PTPRT: variants seen among roughly 807,000 people sequenced by gnomAD.
The protein encoded by PTPRT is protein tyrosine phosphatase receptor type T.
A neutral mutation model predicts 176.8 loss-of-function variants in PTPRT; 56 were observed. The ratio of observed to expected loss-of-function variants is 0.32; its 90% CI spans 0.26 to 0.40. The LOEUF (loss-of-function observed/expected upper bound fraction) is 0.40, where lower values mean the gene tolerates loss of function less well. Ranked by LOEUF, PTPRT falls within the 10% of genes least tolerant of loss-of-function variation. The pLI, the probability that PTPRT is intolerant of heterozygous loss-of-function variation, is 1.00. For missense variants in PTPRT, 1,540 were observed against 1,908.2 expected, an observed-to-expected ratio of 0.81 and a Z score of 3.60; for synonymous variants, 783 against 739.0, an observed-to-expected ratio of 1.06 and a Z score of -0.96.
At chr20:43,117,039 C>T (rs2013086782) in intron 1 of PTPRT, among the ~76,000 whole-genome samples, 1 of 152,150 alleles carries the variant, frequency 6.6e-6, no homozygotes, top group South Asian at 2.1e-4. Context: ...TGACTCTCAT[C>T]CTCCTTGGAC....
chr20:42,305,464 C>A (rs1294386193), intron 12 of PTPRT, among the ~76,000 whole-genome samples: 1 of 151,974 alleles, frequency 6.6e-6, no homozygotes, highest in Non-Finnish European at 1.5e-5. Flanking sequence ...TGTGTATATG[C>A]ACATATGCTG....
rs570217889 is a variant in PTPRT at position 42,185,615 on chromosome 20, C to T, written c.2491+13625G>A. Among the ~76,000 whole-genome samples, 6 of 152,290 alleles carry T rather than the reference C, an allele frequency of 3.9e-5. No individual in the cohort carries two copies. The South Asian group carries it at 1.0e-3, about 26-fold the overall frequency. ...ATCATCCCTTGATTTCTTTATCCAC[C>T]TTTATTCAATTCTGAACGCTGAAAA... is the stretch of plus-strand genomic sequence containing the variant. On this transcript the variant is annotated intron_variant, in intron 16 of 30. Transcript: ENST00000373187.
chr20:42,760,514 A>ACTCC (rs2076900214), intron 5 of PTPRT, among the ~76,000 whole-genome samples: 1 of 151,946 alleles, frequency 6.6e-6, no homozygotes, highest in Non-Finnish European at 1.5e-5. Context: ...ATCTCACATA[A>ACTCC]ATAAATCACT....
intron 2 of PTPRT, among the ~76,000 whole-genome samples, chr20:42,807,916 C>T (rs748595113): frequency 5.9e-5 from 9 of 152,140 alleles, no homozygotes; most frequent in Admixed American, 5.2e-4. Context: ...TCTGGTGATG[C>T]CCTGCCCAGG....
intron 8 of PTPRT, among the ~76,000 whole-genome samples, chr20:42,471,150 C>A (rs2071189078): frequency 6.6e-6 from 1 of 152,140 alleles, no homozygotes; most frequent in Non-Finnish European, 1.5e-5. Context: ...CTTTTTATAT[C>A]TATTTTCTGT....
At chr20:42,124,658 G>A (rs1987763501) in intron 19 of PTPRT, among the ~76,000 whole-genome samples, 1 of 152,224 alleles carries the variant, frequency 6.6e-6, no homozygotes, top group South Asian at 2.1e-4. Flanking sequence ...CTGCGTTGGA[G>A]ACCAGGGTGA....
intron 7 of PTPRT, among the ~76,000 whole-genome samples, chr20:42,623,559 G>T (rs2074237078): frequency 6.6e-6 from 1 of 152,196 alleles, no homozygotes; most frequent in African/African-American, 2.4e-5. Flanking sequence ...AATGGTGATA[G>T]AATTCAGTGC....
At chr20:42,686,941 C>T (rs557723173) in intron 6 of PTPRT, among the ~76,000 whole-genome samples, 15 of 152,244 alleles carry the variant, frequency 9.9e-5, no homozygotes, top group East Asian at 1.9e-4. Flanking sequence ...ATTATGAAAA[C>T]GAGGGAAAGT....
chr20:42,356,287 AC>A (rs1252198244), intron 9 of PTPRT, among the ~76,000 whole-genome samples: 2 of 152,156 alleles, frequency 1.3e-5, no homozygotes, highest in African/African-American at 4.8e-5. Flanking sequence ...CTGCACATCA[AC>A]CCTGGGCTCC....
intron 2 of PTPRT, among the ~76,000 whole-genome samples, chr20:42,867,561 C>G (rs1403622819): frequency 1.3e-5 from 2 of 152,068 alleles, no homozygotes; most frequent in South Asian, 4.2e-4. Context: ...TCAGTCTTCA[C>G]CAATGACAGA....
intron 9 of PTPRT, among the ~76,000 whole-genome samples, chr20:42,354,258 C>T (rs967295821): frequency 6.6e-6 from 1 of 152,144 alleles, no homozygotes; most frequent in Non-Finnish European, 1.5e-5. Flanking sequence ...ACAGCATAGA[C>T]GAGTTTTGCC....
At chr20:42,909,058 G>A (rs1230528694) in intron 1 of PTPRT, among the ~76,000 whole-genome samples, 1 of 152,160 alleles carries the variant, frequency 6.6e-6, no homozygotes, top group African/African-American at 2.4e-5. Context: ...GGGAAGCTGA[G>A]GTGGAAGGAT....
intron 1 of PTPRT, among the ~76,000 whole-genome samples, chr20:43,040,202 A>G (rs1986549351): frequency 6.6e-6 from 1 of 152,208 alleles, no homozygotes; most frequent in Admixed American, 6.5e-5. Context: ...CTAATAACTG[A>G]ATGCTAATCA....
chr20:43,033,737 G>A (rs893199142), intron 1 of PTPRT, among the ~76,000 whole-genome samples: 1 of 152,222 alleles, frequency 6.6e-6, no homozygotes, highest in African/African-American at 2.4e-5. Flanking sequence ...GCACAGAGAA[G>A]ATGGGAAGGT....
intron 6 of PTPRT, among the ~76,000 whole-genome samples, chr20:42,711,890 A>G (rs1482026766): frequency 6.6e-6 from 1 of 151,922 alleles, no homozygotes; most frequent in Non-Finnish European, 1.5e-5. Context: ...TCAAAAGCAC[A>G]TGGCTACCAC....
chr20:42,846,248 A>G (rs374426167), intron 2 of PTPRT, among the ~76,000 whole-genome samples: 2 of 152,226 alleles, frequency 1.3e-5, no homozygotes, highest in African/African-American at 4.8e-5. Flanking sequence ...TCATGCAGAA[A>G]GCAGCTCTGC....
At chr20:43,117,114 C>A (rs1317448608) in intron 1 of PTPRT, among the ~76,000 whole-genome samples, 1 of 152,100 alleles carries the variant, frequency 6.6e-6, no homozygotes, top group Non-Finnish European at 1.5e-5. Flanking sequence ...CAAGCAGAGA[C>A]ATGCGCTGCT....
rs560135941 is a variant in PTPRT at position 43,016,072 on chromosome 20, T to C, written c.89-130140A>G. 2.8e-3 allele frequency among the ~76,000 whole-genome samples: 423 copies of C among 152,244 alleles called. 1 individual carries two copies. The highest frequency in any genetic ancestry group is 9.7e-3 in the African/African-American group (405 of 41,540). On this transcript the variant is annotated intron_variant, in intron 1 of 30. Transcript: ENST00000373187. ...AAGCATCCTGTTCTCTCCTGAGGAT[T>C]ATCTGACCTGAGAGCCCCCTGCCCC...
Position 42,417,909 on chromosome 20 carries a change from T to A in PTPRT, c.1560+30311A>T, listed in dbSNP as rs115051418. Among the ~76,000 whole-genome samples the A allele has an allele frequency of 9.2e-3, 1,398 of 152,038 alleles. 22 individuals carry two copies. The highest frequency in any genetic ancestry group is 0.032 in the African/African-American group (1,314 of 41,428). On this transcript the variant is annotated intron_variant, in intron 9 of 30. Coordinates refer to ENST00000373187, the MANE Select transcript of PTPRT (RefSeq NM_007050.6). The stretch of plus-strand genomic sequence containing the variant: ...TGAGCCACTGCACCCAGCTAATGTT[T>A]TAAAAGTTTTTGTAGAGAAAGGGTC...
Sources: gnomAD v4.1 joint callset for allele counts (sites outside exome capture counted in the v4.1 genomes callset) on GRCh38, gnomAD v4.1.1 for gene constraint, MANE v1.5 for transcripts, NCBI Gene and HGNC (gene_info 2026-07-23, HGNC 2026-07-21) for gene names.